Variants in PABPC1 observed in about 807,000 individuals in gnomAD.
The protein encoded by PABPC1 is poly(A) binding protein cytoplasmic 1.
A neutral mutation model predicts 74.0 loss-of-function variants in PABPC1; 4 were observed. That is an observed-to-expected ratio of 0.05 (90% CI 0.03 to 0.12). The LOEUF (loss-of-function observed/expected upper bound fraction) is 0.12, where lower values mean the gene tolerates loss of function less well. PABPC1 is among the 10% of genes least tolerant of loss of function. The pLI is 1.00. For synonymous variants in PABPC1, 227 were observed against 264.1 expected (o/e 0.86, Z 1.36); for missense variants, 271 against 821.1 (o/e 0.33, Z 8.19).
intron 7 of PABPC1, among the ~76,000 whole-genome samples, chr8:100,710,758 G>C (rs536169180): frequency 9.0e-4 from 135 of 149,918 alleles, no homozygotes; most frequent in Non-Finnish European, 1.4e-3. Flanking sequence ...AGGCCAAGGC[G>C]GGTGGATCAC....
intron 2 of PABPC1, 85 bp downstream of exon 2, chr8:100,718,002 C>A: frequency 1.5e-6 from 2 of 1,332,412 alleles, no homozygotes; most frequent in South Asian, 2.4e-5. Context: ...ATAAAGATAT[C>A]CATTACTGCA....
At chr8:100,711,699 ACT>A (rs2129710893) in intron 7 of PABPC1, among the ~76,000 whole-genome samples, 1 of 152,162 alleles carries the variant, frequency 6.6e-6, no homozygotes, top group East Asian at 1.9e-4. Flanking sequence ...ACATTTCCTC[ACT>A]CTCACAGAAG....
At chr8:100,711,590 T>A (rs1810528996) in intron 7 of PABPC1, among the ~76,000 whole-genome samples, 1 of 152,228 alleles carries the variant, frequency 6.6e-6, no homozygotes, top group African/African-American at 2.4e-5. Context: ...CAGGAATAAA[T>A]TCTATCGTAC....
chr8:100,707,932 A>C (rs940696830), intron 9 of PABPC1, among the ~76,000 whole-genome samples: 3 of 152,180 alleles, frequency 2.0e-5, no homozygotes, highest in Non-Finnish European at 2.9e-5. Flanking sequence ...GGCATAACAG[A>C]AGGCTCGCAC....
At position 100,705,033 on chromosome 8, in the gene PABPC1, G is replaced by A. The variant is rs1484731163; in HGVS notation, c.1711C>T (p.Gln571Ter). 6.2e-7 allele frequency: 1 copy of A among 1,613,796 alleles called. No homozygotes were observed. Among genetic ancestry groups the A allele is most frequent in the Non-Finnish European group, 8.5e-7 (1 of 1,179,894 alleles). ...CCAGCAAGAGTAGGGTGCATGGCTTGAATAAGAGGAAACAGCCGTTCACCT... is the reference window on the plus strand; with the variant it reads ...CCAGCAAGAGTAGGGTGCATGGCTTAAATAAGAGGAAACAGCCGTTCACCT... The part of the protein sequence containing the change: ...MLGERLFPLI[Q>*]AMHPTLAGKI... The change falls in exon 13 of 15, where the codon CAA becomes TAA. Residue 571 changes from glutamine to a stop codon, truncating the protein, a stop_gained. Coordinates refer to ENST00000318607, the MANE Select transcript of PABPC1 (RefSeq NM_002568.4). LOFTEE classifies it high-confidence loss of function.
intron 4 of PABPC1, among the ~76,000 whole-genome samples, chr8:100,715,134 C>T (rs1384518123): frequency 7.9e-6 from 1 of 126,664 alleles, no homozygotes; most frequent in African/African-American, 2.8e-5. Flanking sequence ...CACACACACA[C>T]ACACACACAC....
chr8:100,709,892 A>G, intron 7 of PABPC1, 161 bp from the exon 8 acceptor site: 1 of 791,382 alleles, frequency 1.3e-6, no homozygotes, highest in Non-Finnish European at 1.9e-6. Context: ...TTTTTCCTTA[A>G]TACCCAATTA....
Position 100,705,183 on chromosome 8 carries a change from C to T in PABPC1, c.1688-127G>A. The T allele has an allele frequency of 4.2e-6, 3 of 721,712 alleles. No individual in the cohort carries two copies. The South Asian group carries it at 5.7e-5, about 14-fold the overall frequency. The allele number at this position is 721,712 out of a possible 1,614,324, so 44.7% of individuals were successfully genotyped here. A position where few individuals can be genotyped will look rare whatever the true frequency, so the allele number is the denominator to read the frequency against. ...CACGTATATAATAACCCATAATCCA[C>T]AATTTCATTATGTCTTCATGGGAAG... On this transcript the variant is annotated intron_variant, in intron 12 of 14. Transcript: ENST00000318607.
intron 13 of PABPC1, 90 bp downstream of exon 13, chr8:100,704,836 C>T (rs1810339961): frequency 7.7e-7 from 1 of 1,291,782 alleles, no homozygotes; most frequent in Non-Finnish European, 1.1e-6. Flanking sequence ...TTATATATAA[C>T]ACGATGTAAG....
intron 1 of PABPC1, among the ~76,000 whole-genome samples, chr8:100,720,885 CCAGGAG>C (rs1332978423): frequency 2.0e-5 from 3 of 152,152 alleles, no homozygotes; most frequent in East Asian, 1.9e-4. Flanking sequence ...GGCGACTGGG[CCAGGAG>C]CAGGAGCAGA....
intron 2 of PABPC1, 72 bp downstream of exon 2, chr8:100,718,015 G>A: frequency 7.1e-7 from 1 of 1,406,366 alleles, no homozygotes; most frequent in Non-Finnish European, 1.0e-6. Context: ...TTACTGCACA[G>A]TTCCTATTTC....
intron 9 of PABPC1, among the ~76,000 whole-genome samples, chr8:100,707,911 G>T (rs947904004): frequency 1.3e-5 from 2 of 152,234 alleles, no homozygotes; most frequent in African/African-American, 4.8e-5. Flanking sequence ...GCCCTTTGGT[G>T]GCCCTGTCTG....
Position 100,718,075 on chromosome 8 carries a change from T to C in PABPC1, c.387+12A>G, listed in dbSNP as rs909647373. On this transcript the variant is annotated intron_variant, in intron 2 of 14. Coordinates refer to ENST00000318607, the MANE Select transcript of PABPC1 (RefSeq NM_002568.4). ...ACAATGTAAACATGTGTATCGGACATTTTTGGCTTACCTTACATGAAAGGA... is the reference window on the plus strand; with the variant it reads ...ACAATGTAAACATGTGTATCGGACACTTTTGGCTTACCTTACATGAAAGGA... The C allele has an allele frequency of 4.4e-5, 70 of 1,585,504 alleles. No individual in the cohort carries two copies. Among genetic ancestry groups the C allele is most frequent in the Middle Eastern group, 1.7e-4 (1 of 5,976 alleles).
chr8:100,709,060 T>C (rs1228661766), intron 9 of PABPC1, 73 bp downstream of exon 9: 8 of 1,121,268 alleles, frequency 7.1e-6, no homozygotes, highest in South Asian at 1.3e-5. Context: ...AACATTGACA[T>C]AGAAGAGCTG....
intron 4 of PABPC1, among the ~76,000 whole-genome samples, chr8:100,714,686 G>A (rs1267791447): frequency 1.3e-5 from 2 of 152,080 alleles, no homozygotes; most frequent in Non-Finnish European, 2.9e-5. Context: ...CCGAGATCAC[G>A]TGACTGCACT....
chr8:100,712,628 T>C (rs201665216), intron 6 of PABPC1, 24 bp downstream of exon 6: 234 of 1,594,698 alleles, frequency 1.5e-4, no homozygotes, highest in Non-Finnish European at 1.8e-4. Flanking sequence ...CTGTCTTATT[T>C]TGGTTGTTCA....
intron 13 of PABPC1, 53 bp from the exon 14 acceptor site, chr8:100,704,443 A>T: frequency 1.4e-6 from 2 of 1,412,644 alleles, no homozygotes; most frequent in Non-Finnish European, 2.0e-6. Context: ...GGAAATAAAG[A>T]GTTTCATAAT....
intron 7 of PABPC1, among the ~76,000 whole-genome samples, chr8:100,710,808 G>T (rs774518290): frequency 6.6e-6 from 1 of 151,522 alleles, no homozygotes; most frequent in African/African-American, 2.4e-5. Context: ...CCAACGTGGC[G>T]AAACCCCGTC....
At position 100,718,261 on chromosome 8, in the gene PABPC1, G is replaced by C. The variant is rs138104149; in HGVS notation, c.213C>G (p.Thr71=). 1 of 1,613,216 alleles carries C rather than the reference G, an allele frequency of 6.2e-7. No individual in the cohort carries two copies. Among genetic ancestry groups the C allele is most frequent in the African/African-American group, 1.3e-5 (1 of 75,032 alleles). ...QPADAERALD[T]MNFDVIKGKP... is the part of the protein sequence containing the mutation. ...TGCCCTTTATAACATCAAAATTCAT[G>C]GTGTCCAAAGCACGCTCCGCTGCAG... The change falls in exon 2 of 15, where the codon ACC becomes ACG. Residue 71 remains threonine, a synonymous_variant. Transcript: ENST00000318607.
Sources: gnomAD v4.1 joint callset for allele counts (sites outside exome capture counted in the v4.1 genomes callset) on GRCh38, gnomAD v4.1.1 for gene constraint, MANE v1.5 for transcripts, NCBI Gene and HGNC (gene_info 2026-07-23, HGNC 2026-07-21) for gene names.